Variants in CLK1 observed in about 807,000 individuals in gnomAD.
The protein encoded by CLK1 is dual specificity protein kinase CLK1.
CLK1 carries 40 observed loss-of-function variants against 60.9 expected under a neutral mutation model. The observed-to-expected ratio is 0.66, with a 90% confidence interval of 0.51 to 0.86. CLK1 has a LOEUF of 0.86. Among genes scored for constraint, CLK1 ranks in the 40% least tolerant of loss-of-function variants. The pLI is 0.00. For missense variants in CLK1, 563 were observed against 606.1 expected (o/e 0.93, Z 0.75); for synonymous variants, 203 against 184.4 (o/e 1.10, Z -0.82).
rs888007845 is a variant in CLK1 at position 200,860,873 on chromosome 2, T to C, written c.390+365A>G. ...TACCTAATCCTAAATTATACAAAAA[T>C]AAAATGCCCTGTTCTACTTTTGTGA... On this transcript the variant is annotated intron_variant, in intron 3 of 12. Transcript: ENST00000321356. 14 of 1,061,694 alleles carry C rather than the reference T, an allele frequency of 1.3e-5. No individual in the cohort carries two copies. The South Asian group carries it at 3.2e-4, about 24-fold the overall frequency. 65.8% of individuals were successfully genotyped at this position (1,061,694 alleles called of 1,614,324 possible). A position where few individuals can be genotyped will look rare whatever the true frequency, so the allele number is the denominator to read the frequency against.
Position 200,861,766 on chromosome 2 carries a change from T to C in CLK1, c.97A>G (p.Arg33Gly), listed in dbSNP as rs1408689814. 1.2e-6 allele frequency: 2 copies of C among 1,614,152 alleles called. No homozygotes were observed. Among genetic ancestry groups the C allele is most frequent in the Non-Finnish European group, 1.7e-6 (2 of 1,180,004 alleles). Residue 33 changes from arginine to glycine, a missense_variant, in exon 2 of 13, where the codon AGA becomes GGA. Physicochemically the swap from Arg to Gly is moderately radical, Grantham distance 125 (BLOSUM62 -2). Coordinates refer to ENST00000321356, the MANE Select transcript of CLK1 (RefSeq NM_004071.4). Reference sequence around the variant, plus strand: ...TTCTCCTGGGCACTGCTATGTGATCTCTTCCTTCTTTTATGACTGCTGCTG... The same window carrying C: ...TTCTCCTGGGCACTGCTATGTGATCCCTTCCTTCTTTTATGACTGCTGCTG... ...RSSSSHKRRK[R>G]SHSSAQENKR...
At chr2:200,859,945 A>ATTT in intron 4 of CLK1, 180 bp downstream of exon 4, 1 of 1,433,432 alleles carries the variant, frequency 7.0e-7, no homozygotes, top group Non-Finnish European at 9.1e-7. Flanking sequence ...GAAGTTCTAT[A>ATTT]TAACAAACAT....
intron 1 of CLK1, among the ~76,000 whole-genome samples, chr2:200,863,431 G>C (rs1218201087): frequency 6.6e-6 from 1 of 152,064 alleles, no homozygotes; most frequent in Admixed American, 6.6e-5. Flanking sequence ...GGTGGCGCGC[G>C]CCTGTAGTCC....
intron 9 of CLK1, 33 bp from the exon 10 acceptor site, chr2:200,855,119 A>T (rs1293623906): frequency 2.7e-6 from 4 of 1,482,752 alleles, no homozygotes; most frequent in Non-Finnish European, 3.7e-6. Context: ...AGGAAAAAAA[A>T]TACTCAATGT....
In CLK1 at chr2:200,856,795, G is replaced by T. The variant is rs941442808; in HGVS notation, c.944C>A (p.Thr315Asn). 7 of 1,613,416 alleles carry T rather than the reference G, an allele frequency of 4.3e-6. No individual in the cohort carries two copies. The highest frequency in any genetic ancestry group is 1.7e-5 in the Admixed American group (1 of 59,860). ...AACTTTAATATCTGGATTTATTAAG[G>T]TGCGTTCATCACGTTTCTGAAAATC... ...YNPKIKRDER[T>N]LINPDIKVVD... The change falls in exon 9 of 13, where the codon ACC (threonine) becomes AAC (asparagine). Residue 315 changes from threonine (T) to asparagine (N), a missense_variant. Thr to Asn is a moderately conservative substitution (Grantham distance 65). This residue lies in a region of CLK1 where 360 missense variants were observed against 407.0 expected (regional missense o/e 0.88). Coordinates refer to ENST00000321356, the MANE Select transcript of CLK1 (RefSeq NM_004071.4).
intron 1 of CLK1, among the ~76,000 whole-genome samples, chr2:200,862,821 A>G (rs2039163127): frequency 6.6e-6 from 1 of 152,240 alleles, no homozygotes; most frequent in East Asian, 1.9e-4. Context: ...AATCATCATT[A>G]CAGAGCATTT....
At chr2:200,863,628 CG>C (rs1267830563) in intron 1 of CLK1, among the ~76,000 whole-genome samples, 1 of 152,088 alleles carries the variant, frequency 6.6e-6, no homozygotes, top group African/African-American at 2.4e-5. Flanking sequence ...GAGGCCGAAG[CG>C]GATGGATCAC....
chr2:200,864,163 C>T, intron 1 of CLK1: 3 of 1,551,282 alleles, frequency 1.9e-6, no homozygotes, highest in Non-Finnish European at 2.6e-6. Flanking sequence ...AGCAAATCCC[C>T]CCTCAACGGG....
At chr2:200,863,157 G>T (rs1380653325) in intron 1 of CLK1, 3 of 151,386 alleles carry the variant, frequency 2.0e-5, no homozygotes, top group Admixed American at 6.6e-5. Context: ...TTTTTTTAAC[G>T]CCAGTCAAAT....
chr2:200,858,847 A>AAAAAG (rs1243778470), intron 5 of CLK1, among the ~76,000 whole-genome samples: 1 of 151,752 alleles, frequency 6.6e-6, no homozygotes, highest in African/African-American at 2.4e-5. Context: ...GGAACTAAAA[A>AAAAAG]AAAAGAGTAA....
chr2:200,853,459 A>G lies in CLK1; in HGVS notation c.1312-10T>C, dbSNP rs565688434. The G allele has an allele frequency of 1.9e-4, 306 of 1,602,220 alleles. No individual in the cohort carries two copies. In the African/African-American group the frequency reaches 3.8e-3, roughly 20 times the overall value. ...GAGAAAGCATAAATTCCTGGAAGAA[A>G]AAAAGAAATTCATTCAACAGCCTTT... is the stretch of plus-strand genomic sequence containing the variant. On this transcript the variant is annotated splice_polypyrimidine_tract_variant and intron_variant, in intron 12 of 12. Coordinates refer to ENST00000321356, the MANE Select transcript of CLK1 (RefSeq NM_004071.4).
At chr2:200,861,972 G>C (rs1265632056) in intron 1 of CLK1, 110 bp from the exon 2 acceptor site, 4 of 783,996 alleles carry the variant, frequency 5.1e-6, no homozygotes, top group Non-Finnish European at 6.1e-6. Context: ...CAAAATTCAA[G>C]AATCATTATC....
At chr2:200,855,184 A>G in intron 9 of CLK1, 98 bp from the exon 10 acceptor site, 2 of 885,826 alleles carry the variant, frequency 2.3e-6, no homozygotes, top group South Asian at 1.7e-5. Flanking sequence ...AAAAAAACAC[A>G]TGTAATGTAG....
At chr2:200,859,920 T>G in intron 4 of CLK1, 174 bp from the exon 5 acceptor site, 2 of 1,429,828 alleles carry the variant, frequency 1.4e-6, no homozygotes, top group South Asian at 3.2e-5. Context: ...TTTCATTAAT[T>G]TGATTACTGT....
chr2:200,864,006 A>G, intron 1 of CLK1: 3 of 1,368,928 alleles, frequency 2.2e-6, no homozygotes, highest in Non-Finnish European at 2.9e-6. Context: ...TGTTAACACC[A>G]CTGAGGACAA....
chr2:200,859,657 TA>T, intron 5 of CLK1, 22 bp downstream of exon 5: 1 of 1,604,042 alleles, frequency 6.2e-7, no homozygotes, highest in Non-Finnish European at 8.5e-7. Context: ...TCCCTAAAAG[TA>T]ATCCCAACAT....
chr2:200,859,411 TAAC>T (rs1247230626), intron 5 of CLK1, among the ~76,000 whole-genome samples: 4 of 152,224 alleles, frequency 2.6e-5, no homozygotes, highest in Admixed American at 2.6e-4. Context: ...AAATATGGCC[TAAC>T]AACAGTGTCC....
Position 200,861,973 on chromosome 2 carries a change from AATC to A in CLK1, c.1-114_1-112del, listed in dbSNP as rs2039146743. Reference sequence around the variant, plus strand: ...CCTCGTTTTAAGACCAAAATTCAAGAATCATTATCACCCAATCTGAAATCACTG... The same window carrying A: ...CCTCGTTTTAAGACCAAAATTCAAGAATTATCACCCAATCTGAAATCACTG... On this transcript the variant is annotated intron_variant, in intron 1 of 12. Transcript: ENST00000321356. 2.7e-5 allele frequency: 21 copies of A among 765,146 alleles called. No homozygotes were observed. The South Asian group carries it at 3.7e-4, about 13-fold the overall frequency. The allele number at this position is 765,146 out of a possible 1,614,324, so 47.4% of individuals were successfully genotyped here. A position where few individuals can be genotyped will look rare whatever the true frequency, so the allele number is the denominator to read the frequency against.
Position 200,857,696 on chromosome 2 carries a change from C to G in CLK1, c.832+22G>C, listed in dbSNP as rs376338724. ...GGAATGGATAAAACCAGCAAATTAACGAAGATATACCAAGAACTTACAATT... is the reference window on the plus strand; with the variant it reads ...GGAATGGATAAAACCAGCAAATTAAGGAAGATATACCAAGAACTTACAATT... On this transcript the variant is annotated intron_variant, in intron 7 of 12. Transcript: ENST00000321356. 8 of 1,551,690 alleles carry G rather than the reference C, an allele frequency of 5.2e-6. No homozygotes were observed. In the South Asian group the frequency reaches 9.9e-5, roughly 19 times the overall value.
Sources: gnomAD v4.1 joint callset for allele counts (sites outside exome capture counted in the v4.1 genomes callset) on GRCh38, gnomAD v4.1.1 for gene constraint, gnomAD v4.1.1 regional missense constraint, MANE v1.5 for transcripts, NCBI Gene and HGNC (gene_info 2026-07-23, HGNC 2026-07-21) for gene names.